The following PHACTR4 variants were observed in gnomAD, a reference collection of about 807,000 sequenced individuals.
The protein encoded by PHACTR4 is protein phosphatase 1, regulatory subunit 124.
In PHACTR4, 51 loss-of-function variants were observed where a neutral mutation model predicts 72.7. The ratio of observed to expected loss-of-function variants is 0.70; its 90% confidence interval spans 0.56 to 0.89. The LOEUF (loss-of-function observed/expected upper bound fraction) is 0.89, where lower values mean the gene tolerates loss of function less well. PHACTR4 is among the 40% of genes least tolerant of loss of function. The probability of loss-of-function intolerance (pLI) is 0.00; values close to 1 mark genes in which losing one functional copy is unlikely to be tolerated. For missense variants in PHACTR4, 731 were observed against 861.8 expected, an observed-to-expected ratio of 0.85 and a Z score of 1.90; for synonymous variants, 255 against 302.5, an observed-to-expected ratio of 0.84 and a Z score of 1.63.
intron 3 of PHACTR4, among the ~76,000 whole-genome samples, chr1:28,459,479 G>A (rs1658650283): frequency 7.1e-6 from 1 of 141,300 alleles, no homozygotes. Flanking sequence ...ACAGTTCACT[G>A]CAGATTCAAC....
At chr1:28,370,624 C>CAAAAAA (rs1026543199) in intron 1 of PHACTR4, among the ~76,000 whole-genome samples, 3 of 142,294 alleles carry the variant, frequency 2.1e-5, no homozygotes, top group Non-Finnish European at 4.6e-5. Flanking sequence ...AAAAAAAAAA[C>CAAAAAA]CCTCCAGTGC....
intron 1 of PHACTR4, among the ~76,000 whole-genome samples, chr1:28,398,922 T>A (rs1286243530): frequency 6.6e-6 from 1 of 152,200 alleles, no homozygotes; most frequent in East Asian, 1.9e-4. Context: ...TTTGTATCCA[T>A]CCTACTGGTT....
intron 7 of PHACTR4, among the ~76,000 whole-genome samples, chr1:28,475,220 G>A (rs1659847198): frequency 6.6e-6 from 1 of 151,996 alleles, no homozygotes; most frequent in Admixed American, 6.6e-5. Flanking sequence ...CAGAATGCTG[G>A]GATCATGGGT....
intron 2 of PHACTR4, among the ~76,000 whole-genome samples, chr1:28,414,449 A>AT (rs1297405389): frequency 6.8e-6 from 1 of 147,056 alleles, no homozygotes; most frequent in African/African-American, 2.6e-5. Flanking sequence ...AAAAAAAAAA[A>AT]GCACCGCAGC....
chr1:28,443,075 C>T (rs1657158239), intron 2 of PHACTR4, among the ~76,000 whole-genome samples: 9 of 152,134 alleles, frequency 5.9e-5, no homozygotes, highest in Admixed American at 5.9e-4. Context: ...CCCTACCCAT[C>T]CCTTCCCATT....
At chr1:28,435,525 A>G (rs542034693) in intron 2 of PHACTR4, among the ~76,000 whole-genome samples, 1 of 152,290 alleles carries the variant, frequency 6.6e-6, no homozygotes, top group Admixed American at 6.5e-5. Context: ...TTGGCCTCCT[A>G]AAGTGCTGGG....
intron 2 of PHACTR4, among the ~76,000 whole-genome samples, chr1:28,422,970 G>C (rs1339300307): frequency 6.6e-6 from 1 of 152,228 alleles, no homozygotes; most frequent in Non-Finnish European, 1.5e-5. Context: ...TGTAGTTTTA[G>C]TAGAGACGGG....
chr1:28,374,927 T>A (rs1487171046), intron 1 of PHACTR4, among the ~76,000 whole-genome samples: 1 of 152,222 alleles, frequency 6.6e-6, no homozygotes, highest in Non-Finnish European at 1.5e-5. Flanking sequence ...TCTTGTGGAT[T>A]GTTTCTAAGA....
chr1:28,485,168 A>C (rs951383700), intron 9 of PHACTR4, among the ~76,000 whole-genome samples: 4 of 152,304 alleles, frequency 2.6e-5, no homozygotes, highest in African/African-American at 9.6e-5. Flanking sequence ...AGAGAGTAGA[A>C]AGATAGTTGT....
At chr1:28,441,807 C>T (rs1657053959) in intron 2 of PHACTR4, among the ~76,000 whole-genome samples, 1 of 151,982 alleles carries the variant, frequency 6.6e-6, no homozygotes, top group Non-Finnish European at 1.5e-5. Context: ...TCAGCCTGGG[C>T]AACATAGGGC....
chr1:28,393,616 T>A (rs1390242663), intron 1 of PHACTR4, among the ~76,000 whole-genome samples: 1 of 152,188 alleles, frequency 6.6e-6, no homozygotes, highest in Admixed American at 6.6e-5. Flanking sequence ...TACTTGATAA[T>A]AAATGACTAT....
chr1:28,491,369 G>T, intron 11 of PHACTR4, among the ~76,000 whole-genome samples: 1 of 151,598 alleles, frequency 6.6e-6, no homozygotes, highest in East Asian at 1.9e-4. Context: ...GAGGTAGGAG[G>T]ATCATTTGAG....
intron 6 of PHACTR4, among the ~76,000 whole-genome samples, chr1:28,469,912 C>G (rs982021634): frequency 2.0e-5 from 3 of 151,254 alleles, no homozygotes; most frequent in Non-Finnish European, 4.4e-5. Flanking sequence ...AAAAAATGAT[C>G]TGGGTATGAT....
At chr1:28,454,096 C>T (rs955219399) in intron 2 of PHACTR4, among the ~76,000 whole-genome samples, 18 of 151,762 alleles carry the variant, frequency 1.2e-4, no homozygotes, top group Non-Finnish European at 1.8e-4. Context: ...TAGTGGCACA[C>T]GCTTTTAATC....
chr1:28,394,849 G>C (rs1653363950), intron 1 of PHACTR4, among the ~76,000 whole-genome samples: 1 of 151,340 alleles, frequency 6.6e-6, no homozygotes, highest in Non-Finnish European at 1.5e-5. Flanking sequence ...ACCTGCCTCA[G>C]CCTCCCAAAT....
In PHACTR4 at chr1:28,425,317, C is replaced by A. The variant is rs545180641; in HGVS notation, c.16+17854C>A. On this transcript the variant is annotated intron_variant, in intron 2 of 13. Transcript: ENST00000373839. The stretch of plus-strand genomic sequence containing the variant: ...TATTTTCAGTAGAGACAGGGTTTCA[C>A]CATGTTGGCCAGGCTGGTCTCAAAC... Among the ~76,000 whole-genome samples the A allele has an allele frequency of 7.2e-5, 11 of 152,100 alleles. No homozygotes were observed. In the South Asian group the frequency reaches 1.7e-3, roughly 23 times the overall value.
chr1:28,444,244 T>C (rs946707712), intron 2 of PHACTR4, among the ~76,000 whole-genome samples: 1 of 78,464 alleles, frequency 1.3e-5, no homozygotes, highest in Non-Finnish European at 2.7e-5. Flanking sequence ...TTTTTTTTTT[T>C]GAGACAGAGT....
chr1:28,487,727 GTTTTTTTTTTTTTTT>G (rs780028378), intron 9 of PHACTR4, among the ~76,000 whole-genome samples: 1 of 63,304 alleles, frequency 1.6e-5, no homozygotes, highest in South Asian at 5.4e-4. Context: ...GTTTTTTGTT[GTTTTTTTTTTTTTTT>G]TTTTTTTTTT....
chr1:28,475,358 T>C (rs897769938), intron 7 of PHACTR4, among the ~76,000 whole-genome samples: 4 of 152,184 alleles, frequency 2.6e-5, no homozygotes, highest in African/African-American at 9.6e-5. Flanking sequence ...GCTAGTTTTA[T>C]ATACTACAGG....
Sources: allele counts gnomAD v4.1 joint callset (sites outside exome capture counted in the v4.1 genomes callset), GRCh38; gene constraint gnomAD v4.1.1; transcripts MANE v1.5; gene names NCBI Gene and HGNC (gene_info 2026-07-23, HGNC 2026-07-21).